ERC2: variants seen among roughly 807,000 people sequenced by gnomAD.
The protein encoded by ERC2 is ELKS/RAB6-interacting/CAST family member 2, also known as ERC protein 2.
Under a neutral mutation model 114.8 loss-of-function variants are expected in ERC2, and 42 were observed. The observed-to-expected ratio is 0.37, with a 90% CI of 0.29 to 0.47. The LOEUF (loss-of-function observed/expected upper bound fraction) is 0.47. Among genes scored for constraint, ERC2 ranks in the 20% least tolerant of loss-of-function variants. ERC2 has a pLI of 0.99. For synonymous variants in ERC2, 454 were observed against 425.5 expected, an observed-to-expected ratio of 1.07 and a Z score of -0.82; for missense variants, 939 against 1,150.7, an observed-to-expected ratio of 0.82 and a Z score of 2.66.
At chr3:55,850,917 T>C (rs2061544317) in intron 14 of ERC2, among the ~76,000 whole-genome samples, 1 of 149,596 alleles carries the variant, frequency 6.7e-6, no homozygotes, top group East Asian at 2.0e-4. Context: ...CAACATTTGG[T>C]CTCTTCCTGT....
At chr3:55,804,678 TG>T (rs1276524362) in intron 14 of ERC2, among the ~76,000 whole-genome samples, 1 of 152,124 alleles carries the variant, frequency 6.6e-6, no homozygotes. Flanking sequence ...TAAGCCTGTC[TG>T]TAACTCCGCC....
At chr3:55,788,215 T>C (rs771518414) in intron 14 of ERC2, among the ~76,000 whole-genome samples, 13 of 152,164 alleles carry the variant, frequency 8.5e-5, no homozygotes, top group Admixed American at 1.3e-4. Flanking sequence ...CCAGTTCCAA[T>C]TGGGATGTAG....
chr3:55,651,152 CA>C (rs2060606463), intron 17 of ERC2, among the ~76,000 whole-genome samples: 1 of 151,674 alleles, frequency 6.6e-6, no homozygotes, highest in African/African-American at 2.4e-5. Flanking sequence ...TGAGCCACTG[CA>C]CCTGGCCTGC....
intron 13 of ERC2, among the ~76,000 whole-genome samples, chr3:55,908,201 C>T (rs987838959): frequency 2.0e-4 from 30 of 152,116 alleles, no homozygotes; most frequent in African/African-American, 7.2e-4. Context: ...AAGAAGCAAA[C>T]ATATCTGAAT....
At chr3:55,888,995 G>C (rs868082210) in intron 13 of ERC2, among the ~76,000 whole-genome samples, 1 of 152,170 alleles carries the variant, frequency 6.6e-6, no homozygotes, top group Non-Finnish European at 1.5e-5. Flanking sequence ...CAAGGTCCTT[G>C]TTCAATTGGA....
chr3:55,531,443 T>C (rs1009019116), intron 17 of ERC2, among the ~76,000 whole-genome samples: 5 of 152,084 alleles, frequency 3.3e-5, no homozygotes, highest in Non-Finnish European at 7.4e-5. Context: ...CCCTGAACAT[T>C]AATGTGTTTG....
At chr3:55,873,361 G>A (rs1032928956) in intron 14 of ERC2, among the ~76,000 whole-genome samples, 1 of 152,154 alleles carries the variant, frequency 6.6e-6, no homozygotes, top group Non-Finnish European at 1.5e-5. Context: ...TGTATGACCT[G>A]GGACTAGTTA....
intron 2 of ERC2, among the ~76,000 whole-genome samples, chr3:56,347,739 A>C (rs1016308701): frequency 6.6e-6 from 1 of 152,258 alleles, no homozygotes; most frequent in Middle Eastern, 3.4e-3. Context: ...CCTTGGAGAT[A>C]TAAGTTCAGC....
chr3:55,734,727 G>T (rs757122842), intron 15 of ERC2, 44 bp downstream of exon 15: 1 of 1,573,876 alleles, frequency 6.4e-7, no homozygotes, highest in Admixed American at 1.9e-5. Context: ...AGCCCCCAAA[G>T]CCCCAAACCC....
chr3:56,333,988 G>C (rs1485049962), intron 2 of ERC2, among the ~76,000 whole-genome samples: 1 of 152,088 alleles, frequency 6.6e-6, no homozygotes, highest in African/African-American at 2.4e-5. Flanking sequence ...ATTAATCTTT[G>C]AATCTCTATG....
chr3:56,187,034 G>C (rs4974121), intron 3 of ERC2, among the ~76,000 whole-genome samples: 16,717 of 152,148 alleles, frequency 0.11, 1,440 homozygotes, highest in African/African-American at 0.23. Flanking sequence ...ATATAGAGAA[G>C]ACAGGGAAGT....
At chr3:55,918,640 CT>C (rs2065238953) in intron 13 of ERC2, among the ~76,000 whole-genome samples, 2 of 151,804 alleles carry the variant, frequency 1.3e-5, no homozygotes. Flanking sequence ...CTTGAAGCTT[CT>C]TCTTGAAACA....
chr3:55,933,928 A>T (rs2066279799), intron 13 of ERC2, among the ~76,000 whole-genome samples: 1 of 152,196 alleles, frequency 6.6e-6, no homozygotes, highest in African/African-American at 2.4e-5. Flanking sequence ...GTGTGAAGTC[A>T]GTGGCCACTT....
intron 17 of ERC2, chr3:55,612,963 T>C (rs1039315771): frequency 1.3e-5 from 2 of 152,232 alleles, no homozygotes; most frequent in African/African-American, 4.8e-5. Flanking sequence ...AAAAAATTAT[T>C]TGTTGCTTAT....
intron 14 of ERC2, among the ~76,000 whole-genome samples, chr3:55,791,095 T>C (rs2069974254): frequency 6.6e-6 from 1 of 152,206 alleles, no homozygotes; most frequent in African/African-American, 2.4e-5. Flanking sequence ...GTGTTTATTT[T>C]AGGCATTCAT....
At chr3:55,539,719 GCCCCA>G (rs1559619847) in intron 17 of ERC2, among the ~76,000 whole-genome samples, 1 of 151,660 alleles carries the variant, frequency 6.6e-6, no homozygotes, top group Non-Finnish European at 1.5e-5. Flanking sequence ...GAGCCACTGC[GCCCCA>G]CCCTAAGACA....
At chr3:56,290,838 C>CA (rs1366547209) in intron 3 of ERC2, among the ~76,000 whole-genome samples, 7 of 152,170 alleles carry the variant, frequency 4.6e-5, no homozygotes, top group African/African-American at 1.7e-4. Flanking sequence ...CCTGTCTGCC[C>CA]ACCCCCAGCA....
chr3:55,996,218 A>G (rs144522967), intron 10 of ERC2, among the ~76,000 whole-genome samples: 5 of 152,322 alleles, frequency 3.3e-5, no homozygotes, highest in African/African-American at 1.2e-4. Flanking sequence ...TGCCCTTTCT[A>G]TACTTCTAAG....
intron 3 of ERC2, among the ~76,000 whole-genome samples, chr3:56,259,691 T>C (rs1175429462): frequency 6.8e-6 from 1 of 147,090 alleles, no homozygotes; most frequent in Non-Finnish European, 1.5e-5. Flanking sequence ...TATGATATGA[T>C]ATATGATTCT....
Sources: gnomAD v4.1 joint callset for allele counts (sites outside exome capture counted in the v4.1 genomes callset) on GRCh38, gnomAD v4.1.1 for gene constraint, MANE v1.5 for transcripts, NCBI Gene and HGNC (gene_info 2026-07-23, HGNC 2026-07-21) for gene names.